Variants in LAMA3 observed in about 807,000 individuals in gnomAD.
LAMA3 encodes laminin subunit alpha-3.
A neutral mutation model predicts 402.0 loss-of-function variants in LAMA3; 281 were observed. That is an observed-to-expected ratio of 0.70 (90% CI 0.63 to 0.77). LAMA3 has a LOEUF of 0.77. Ranked by LOEUF, LAMA3 falls within the 30% of genes least tolerant of loss-of-function variation. The pLI is 0.00. For synonymous variants in LAMA3, 1,431 were observed against 1,558.4 expected, an observed-to-expected ratio of 0.92 and a Z score of 1.93; for missense variants, 3,840 against 4,215.5, an observed-to-expected ratio of 0.91 and a Z score of 2.47.
intron 24 of LAMA3, chr18:23,834,984 A>C (rs1441159491): frequency 6.6e-6 from 1 of 152,230 alleles, no homozygotes; most frequent in Non-Finnish European, 1.5e-5. Flanking sequence ...GAACCAAAGA[A>C]GGTAATTGTA....
intron 55 of LAMA3, 37 bp downstream of exon 55, chr18:23,909,332 G>C (rs769916348): frequency 1.3e-6 from 2 of 1,579,630 alleles, no homozygotes; most frequent in East Asian, 4.5e-5. Context: ...GCCAAGGCTA[G>C]TTCTTTAATG....
chr18:23,830,314 C>T (rs1216327158), intron 23 of LAMA3, among the ~76,000 whole-genome samples: 1 of 152,088 alleles, frequency 6.6e-6, no homozygotes, highest in Non-Finnish European at 1.5e-5. Context: ...ATCCTCCTCT[C>T]TCTCCCTCAG....
intron 25 of LAMA3, among the ~76,000 whole-genome samples, chr18:23,837,570 GATATATATATAT>G (rs56179962): frequency 1.2e-5 from 1 of 83,284 alleles, no homozygotes; most frequent in Admixed American, 1.6e-4. Context: ...CAGTTAATCA[GATATATATATAT>G]ATATATATAT....
chr18:23,769,167 A>G (rs2062142008), intron 8 of LAMA3, among the ~76,000 whole-genome samples: 1 of 152,154 alleles, frequency 6.6e-6, no homozygotes, highest in Admixed American at 6.5e-5. Flanking sequence ...TTTTTGGAAA[A>G]AGAATTTTAG....
At chr18:23,717,522 CAT>C (rs1411999037) in intron 2 of LAMA3, among the ~76,000 whole-genome samples, 2 of 134,102 alleles carry the variant, frequency 1.5e-5, no homozygotes, top group African/African-American at 5.4e-5. Context: ...CAAATAAAAA[CAT>C]TACCTTCTGG....
intron 12 of LAMA3, among the ~76,000 whole-genome samples, chr18:23,792,314 T>G (rs1349798231): frequency 6.6e-6 from 1 of 152,126 alleles, no homozygotes; most frequent in East Asian, 1.9e-4. Flanking sequence ...TAGCGCCACA[T>G]CTGGCTGGCT....
At chr18:23,896,077 T>C (rs1457535359) in intron 44 of LAMA3, among the ~76,000 whole-genome samples, 1 of 152,248 alleles carries the variant, frequency 6.6e-6, no homozygotes, top group Non-Finnish European at 1.5e-5. Flanking sequence ...GGCTCATGCC[T>C]GTAATCCCAG....
Position 23,780,470 on chromosome 18 carries a change from G to A in LAMA3, c.1468+2851G>A, listed in dbSNP as rs113494664. Among the ~76,000 whole-genome samples the A allele has an allele frequency of 2.1e-3, 313 of 152,254 alleles. 1 individual carries two copies. The highest frequency in any genetic ancestry group is 6.9e-3 in the African/African-American group (286 of 41,532). ...GAGGAGTCAGCCAGGCAGAGGGGCAGGGAAGAGAAGCCGTGGGGCTAGGAG... is the reference window on the plus strand; with the variant it reads ...GAGGAGTCAGCCAGGCAGAGGGGCAAGGAAGAGAAGCCGTGGGGCTAGGAG... On this transcript the variant is annotated intron_variant, in intron 11 of 74. Coordinates refer to ENST00000313654, the MANE Select transcript of LAMA3 (RefSeq NM_198129.4).
intron 69 of LAMA3, among the ~76,000 whole-genome samples, chr18:23,944,976 T>C (rs2082655232): frequency 6.6e-6 from 1 of 152,002 alleles, no homozygotes; most frequent in East Asian, 1.9e-4. Flanking sequence ...TTACTAAAAA[T>C]ACAAACATTA....
chr18:23,766,728 A>G (rs757322117), intron 8 of LAMA3, among the ~76,000 whole-genome samples: 3 of 152,010 alleles, frequency 2.0e-5, no homozygotes, highest in Non-Finnish European at 2.9e-5. Context: ...AATCCCAGAT[A>G]CTCGGGAGGC....
Position 23,858,669 on chromosome 18 carries a change from T to A in LAMA3, c.4282-20T>A, listed in dbSNP as rs761463159. On this transcript the variant is annotated intron_variant, in intron 33 of 74. Coordinates refer to ENST00000313654, the MANE Select transcript of LAMA3 (RefSeq NM_198129.4). Reference sequence around the variant, plus strand: ...AATTTTGGAACACGTGATCTCTTATTTCATGTTTTGCTTCAATAGGAAAAT... The same window carrying A: ...AATTTTGGAACACGTGATCTCTTATATCATGTTTTGCTTCAATAGGAAAAT... The A allele has an allele frequency of 2.0e-5, 32 of 1,614,004 alleles. 1 individual carries two copies. In the Admixed American group the frequency reaches 5.3e-4, roughly 27 times the overall value.
intron 36 of LAMA3, among the ~76,000 whole-genome samples, chr18:23,867,167 C>T (rs2064378396): frequency 6.6e-6 from 1 of 152,202 alleles, no homozygotes; most frequent in Non-Finnish European, 1.5e-5. Context: ...CCTCAGTAAC[C>T]CACCCACCAA....
Position 23,805,120 on chromosome 18 carries a change from G to T in LAMA3, c.1604-5246G>T, listed in dbSNP as rs149254356. ...AAACTGCTTGTTGGTTTTTACTAAAGGTGTGAAGGAAAAAAGCATTTGCCA... is the reference window on the plus strand; with the variant it reads ...AAACTGCTTGTTGGTTTTTACTAAATGTGTGAAGGAAAAAAGCATTTGCCA... On this transcript the variant is annotated intron_variant, in intron 12 of 74. Transcript: ENST00000313654. Among the ~76,000 whole-genome samples the T allele has an allele frequency of 2.0e-3, 306 of 152,246 alleles. 1 individual carries two copies. The highest frequency in any genetic ancestry group is 7.1e-3 in the African/African-American group (297 of 41,558).
chr18:23,827,344 C>A lies in LAMA3; in HGVS notation c.2700C>A (p.Thr900=), dbSNP rs2063403309. ...NCLLYQHLPV[T]RFPCTLACEA... ...TACTCTACCAGCATTTGCCAGTGAC[C>A]AGATTCCCCTGTACCCTGGCTTGTG... The change falls in exon 23 of 75, where the codon ACC becomes ACA. Residue 900 remains threonine (T), a synonymous_variant. Coordinates refer to ENST00000313654, the MANE Select transcript of LAMA3 (RefSeq NM_198129.4). 6.2e-7 allele frequency: 1 copy of A among 1,614,172 alleles called. No homozygotes were observed. Among genetic ancestry groups the A allele is most frequent in the Non-Finnish European group, 8.5e-7 (1 of 1,180,040 alleles).
chr18:23,745,345 T>C lies in LAMA3; in HGVS notation c.448-2598T>C, dbSNP rs1318739001. 3.9e-5 allele frequency among the ~76,000 whole-genome samples: 6 copies of C among 152,214 alleles called. No homozygotes were observed. The East Asian group carries it at 1.2e-3, about 29-fold the overall frequency. The stretch of plus-strand genomic sequence containing the variant: ...AGCCACTGAAGCTACTTCTTTCATA[T>C]AGCTTTGTAGTAGCAGAAAGTACAA... On this transcript the variant is annotated intron_variant, in intron 2 of 74. Transcript: ENST00000313654.
chr18:23,701,613 G>A (rs2060790492), intron 1 of LAMA3, among the ~76,000 whole-genome samples: 1 of 152,174 alleles, frequency 6.6e-6, no homozygotes, highest in South Asian at 2.1e-4. Flanking sequence ...ACCAATCTAG[G>A]TTTATAGTAG....
intron 54 of LAMA3, among the ~76,000 whole-genome samples, chr18:23,908,202 G>A (rs1233318905): frequency 1.3e-5 from 2 of 152,120 alleles, no homozygotes; most frequent in Admixed American, 6.5e-5. Flanking sequence ...TAAATCATGA[G>A]GCATTGAATT....
intron 9 of LAMA3, among the ~76,000 whole-genome samples, chr18:23,775,101 C>T (rs1184651342): frequency 6.6e-6 from 1 of 152,182 alleles, no homozygotes; most frequent in African/African-American, 2.4e-5. Context: ...CAGGTCTTTA[C>T]AGGAGATGTA....
At chr18:23,711,743 A>T (rs1232864269) in intron 1 of LAMA3, among the ~76,000 whole-genome samples, 1 of 152,224 alleles carries the variant, frequency 6.6e-6, no homozygotes, top group Non-Finnish European at 1.5e-5. Flanking sequence ...TCTTAGTATG[A>T]AAATATAAAC....
Sources: allele counts gnomAD v4.1 joint callset (sites outside exome capture counted in the v4.1 genomes callset), GRCh38; gene constraint gnomAD v4.1.1; transcripts MANE v1.5; gene names NCBI Gene and HGNC (gene_info 2026-07-23, HGNC 2026-07-21).